Variants in ANGPT1 observed in about 807,000 individuals in gnomAD.
ANGPT1 encodes angiopoietin-1.
Under a neutral mutation model 62.2 loss-of-function variants are expected in ANGPT1, and 17 were observed. The observed-to-expected ratio is 0.27, with a 90% CI of 0.19 to 0.41. The LOEUF (loss-of-function observed/expected upper bound fraction) is 0.41, where lower values mean the gene tolerates loss of function less well. Ranked by LOEUF, ANGPT1 falls within the 10% of genes least tolerant of loss-of-function variation. The pLI, the probability that ANGPT1 is intolerant of heterozygous loss-of-function variation, is 1.00. For missense variants in ANGPT1, 478 were observed against 594.9 expected (o/e 0.80, Z 2.04); for synonymous variants, 199 against 198.9 (o/e 1.00, Z 0.00).
intron 1 of ANGPT1, among the ~76,000 whole-genome samples, chr8:107,372,832 A>T (rs1816443267): frequency 6.6e-6 from 1 of 151,130 alleles, no homozygotes; most frequent in Admixed American, 6.6e-5. Context: ...TATGTACCTA[A>T]AGCCACCAAG....
At chr8:107,395,024 A>G (rs1816908711) in intron 1 of ANGPT1, among the ~76,000 whole-genome samples, 1 of 152,144 alleles carries the variant, frequency 6.6e-6, no homozygotes, top group Non-Finnish European at 1.5e-5. Flanking sequence ...TATTATAATA[A>G]ATGCCATAAG....
intron 1 of ANGPT1, among the ~76,000 whole-genome samples, chr8:107,356,480 A>G (rs1816046580): frequency 6.6e-6 from 1 of 152,164 alleles, no homozygotes; most frequent in Non-Finnish European, 1.5e-5. Flanking sequence ...AGAGAATCTA[A>G]TAAGTCTTTC....
At chr8:107,271,445 G>T (rs10103056) in intron 7 of ANGPT1, among the ~76,000 whole-genome samples, 103,019 of 151,940 alleles carry the variant, frequency 0.68, 35,971 homozygotes, top group African/African-American at 0.86. Context: ...AATGACTAAG[G>T]CTAAATTACA....
intron 7 of ANGPT1, among the ~76,000 whole-genome samples, chr8:107,274,725 AAGAATTG>A (rs1813819329): frequency 6.6e-6 from 1 of 152,188 alleles, no homozygotes; most frequent in Non-Finnish European, 1.5e-5. Flanking sequence ...TATCTAGATC[AAGAATTG>A]CCATGTATTA....
chr8:107,472,981 T>C (rs1300286903), intron 1 of ANGPT1, among the ~76,000 whole-genome samples: 1 of 152,062 alleles, frequency 6.6e-6, no homozygotes, highest in Non-Finnish European at 1.5e-5. Flanking sequence ...CTACCACCAG[T>C]ACTGGATATC....
intron 8 of ANGPT1, among the ~76,000 whole-genome samples, chr8:107,263,522 T>C (rs1813545961): frequency 6.6e-6 from 1 of 152,094 alleles, no homozygotes; most frequent in Non-Finnish European, 1.5e-5. Flanking sequence ...TGTTTGTTTG[T>C]TTTGCCAAGA....
rs1217234361 is a variant in ANGPT1 at position 107,492,769 on chromosome 8, C to A, written c.297+4493G>T. Among the ~76,000 whole-genome samples, 3 of 150,564 alleles carry A rather than the reference C, an allele frequency of 2.0e-5. 1 individual carries two copies. The highest frequency in any genetic ancestry group is 3.0e-5 in the Non-Finnish European group (2 of 67,788). On this transcript the variant is annotated intron_variant, in intron 1 of 8. Transcript: ENST00000517746. The stretch of plus-strand genomic sequence containing the variant: ...AATATACCAGTGAGAATTAAGTTCT[C>A]ATGTGCACATATTATACAGATGTAT...
chr8:107,321,825 C>T (rs912830752), intron 4 of ANGPT1, 71 bp downstream of exon 4: 3 of 1,330,930 alleles, frequency 2.3e-6, no homozygotes, highest in Non-Finnish European at 3.2e-6. Flanking sequence ...CTGTAGAAAG[C>T]TATATTGAGT....
At chr8:107,348,940 AG>A (rs970343676) in intron 1 of ANGPT1, among the ~76,000 whole-genome samples, 1 of 152,192 alleles carries the variant, frequency 6.6e-6, no homozygotes, top group African/African-American at 2.4e-5. Context: ...AGACATCACA[AG>A]CAAGGCCATT....
intron 1 of ANGPT1, among the ~76,000 whole-genome samples, chr8:107,420,151 T>C (rs1283672): frequency 0.68 from 102,612 of 151,984 alleles, 35,173 homozygotes; most frequent in Non-Finnish European, 0.72. Flanking sequence ...ATTTAATTAA[T>C]AAGCAATTAC....
chr8:107,426,777 G>C (rs1563617511), intron 1 of ANGPT1, among the ~76,000 whole-genome samples: 1 of 152,144 alleles, frequency 6.6e-6, no homozygotes, highest in Non-Finnish European at 1.5e-5. Flanking sequence ...GAGGATAATG[G>C]AGCACAACAA....
chr8:107,488,704 T>A (rs910348931), intron 1 of ANGPT1, among the ~76,000 whole-genome samples: 2 of 152,162 alleles, frequency 1.3e-5, no homozygotes, highest in Admixed American at 6.5e-5. Flanking sequence ...TAGAAAATAA[T>A]AAGAAGACTG....
At chr8:107,436,078 C>T (rs1275204517) in intron 1 of ANGPT1, among the ~76,000 whole-genome samples, 2 of 151,826 alleles carry the variant, frequency 1.3e-5, no homozygotes, top group African/African-American at 4.8e-5. Context: ...AATTTTAAAA[C>T]TTTTTTTTGT....
chr8:107,362,439 G>T (rs149667369), intron 1 of ANGPT1, among the ~76,000 whole-genome samples: 1 of 152,236 alleles, frequency 6.6e-6, no homozygotes, highest in Non-Finnish European at 1.5e-5. Flanking sequence ...AGTAAATTCA[G>T]AATTACTTAG....
intron 4 of ANGPT1, among the ~76,000 whole-genome samples, chr8:107,317,873 C>A (rs1372228440): frequency 6.6e-6 from 1 of 152,114 alleles, no homozygotes; most frequent in Non-Finnish European, 1.5e-5. Context: ...TCAAGTGATC[C>A]ACCCACTTTG....
chr8:107,439,746 T>C (rs1811424328), intron 1 of ANGPT1, among the ~76,000 whole-genome samples: 1 of 152,290 alleles, frequency 6.6e-6, no homozygotes, highest in Admixed American at 6.5e-5. Flanking sequence ...AGGATTTGAA[T>C]AAAAGTATTC....
rs568773789 is a variant in ANGPT1 at position 107,256,603 on chromosome 8, T to C, written c.1337-4588A>G. Among the ~76,000 whole-genome samples, 23 of 152,296 alleles carry C rather than the reference T, an allele frequency of 1.5e-4. No individual in the cohort carries two copies. The South Asian group carries it at 3.5e-3, about 23-fold the overall frequency. On this transcript the variant is annotated intron_variant, in intron 8 of 8. Coordinates refer to ENST00000517746, the MANE Select transcript of ANGPT1 (RefSeq NM_001146.5). Reference sequence around the variant, plus strand: ...TATGCCTGAGTTTACAGTTCCTCTCTGATAAGATTCTGAATAGCTGAATTA... The same window carrying C: ...TATGCCTGAGTTTACAGTTCCTCTCCGATAAGATTCTGAATAGCTGAATTA...
At chr8:107,377,022 C>T (rs1816543413) in intron 1 of ANGPT1, among the ~76,000 whole-genome samples, 1 of 152,044 alleles carries the variant, frequency 6.6e-6, no homozygotes, top group Admixed American at 6.6e-5. Flanking sequence ...ACTGATTACA[C>T]AAATACTTAC....
intron 3 of ANGPT1, among the ~76,000 whole-genome samples, chr8:107,329,723 A>G (rs547998237): frequency 1.3e-5 from 2 of 151,922 alleles, no homozygotes; most frequent in Admixed American, 1.3e-4. Context: ...TTGTTGGGTT[A>G]GAGCTATTGG....
Sources: allele counts gnomAD v4.1 joint callset (sites outside exome capture counted in the v4.1 genomes callset), GRCh38; gene constraint gnomAD v4.1.1; transcripts MANE v1.5; gene names NCBI Gene and HGNC (gene_info 2026-07-23, HGNC 2026-07-21).